TAMM41: variants seen among roughly 807,000 people sequenced by gnomAD.
TAMM41 encodes TAM41 mitochondrial translocator assembly and maintenance homolog.
Under a neutral mutation model 44.1 loss-of-function variants are expected in TAMM41, and 36 were observed. That is an observed-to-expected ratio of 0.82 (90% CI 0.63 to 1.08). The LOEUF is 1.08. Ranked by LOEUF, TAMM41 falls within the 50% of genes least tolerant of loss-of-function variation. The pLI, the probability that TAMM41 is intolerant of heterozygous loss-of-function variation, is 0.00. For missense variants in TAMM41, 417 were observed against 404.3 expected (o/e 1.03, Z -0.27); for synonymous variants, 164 against 153.1 (o/e 1.07, Z -0.53).
At chr3:11,729,558 T>C in the TAMM41 span, among the ~76,000 whole-genome samples, 18 of 113,212 alleles carry the variant, frequency 1.6e-4, 1 homozygote, top group African/African-American at 5.7e-4. Flanking sequence ...TTTTTTTTTT[T>C]TTTTTTTTTT....
At chr3:11,801,076 A>G (rs2077738025) in intron 7 of TAMM41, among the ~76,000 whole-genome samples, 1 of 147,334 alleles carries the variant, frequency 6.8e-6, no homozygotes, top group African/African-American at 2.6e-5. Context: ...TGGGCAACAG[A>G]GCAAGACCCT....
At chr3:11,755,718 C>T in the TAMM41 span, among the ~76,000 whole-genome samples, 1 of 152,184 alleles carries the variant, frequency 6.6e-6, no homozygotes, top group Admixed American at 6.5e-5. Context: ...CACAGTGCCA[C>T]AAAGGCCCTA....
At chr3:11,835,617 T>C (rs528155470) in intron 3 of TAMM41, among the ~76,000 whole-genome samples, 1 of 152,356 alleles carries the variant, frequency 6.6e-6, no homozygotes, top group Admixed American at 6.5e-5. Context: ...TTTCATGGCA[T>C]TTCAGCTTTC....
At position 11,834,591 on chromosome 3, in the gene TAMM41, A is replaced by T. The variant is rs2079102322; in HGVS notation, c.411+4631T>A. Among the ~76,000 whole-genome samples the T allele has an allele frequency of 2.6e-5, 4 of 152,238 alleles. No homozygotes were observed. In the South Asian group the frequency reaches 8.3e-4, roughly 31 times the overall value. The stretch of plus-strand genomic sequence containing the variant: ...GTTGTACTGGAAATAAAAATAGGGT[A>T]TTCCATCAATTATGAGATAAGTTAA... On this transcript the variant is annotated intron_variant, in intron 3 of 7. Coordinates refer to ENST00000455809, the MANE Select transcript of TAMM41 (RefSeq NM_001284401.2).
chr3:11,785,336 T>G, the TAMM41 span, among the ~76,000 whole-genome samples: 19 of 151,936 alleles, frequency 1.3e-4, no homozygotes, highest in African/African-American at 4.1e-4. Flanking sequence ...TTTTGTTTTG[T>G]TTTGTTTTGA....
the TAMM41 span, among the ~76,000 whole-genome samples, chr3:11,737,323 T>C: frequency 0.045 from 5,963 of 132,610 alleles, 402 homozygotes; most frequent in African/African-American, 0.15. Context: ...TTATTATTAT[T>C]ATCATTATTA....
At chr3:11,808,422 G>A in intron 6 of TAMM41, 2 of 980,324 alleles carry the variant, frequency 2.0e-6, no homozygotes, top group Non-Finnish European at 2.4e-6. Flanking sequence ...CTTCAGGATG[G>A]GGAGCTGGTG....
At chr3:11,793,681 C>T (rs1331658873) in intron 7 of TAMM41, among the ~76,000 whole-genome samples, 2 of 152,164 alleles carry the variant, frequency 1.3e-5, no homozygotes, top group African/African-American at 4.8e-5. Flanking sequence ...ACTCCCAACA[C>T]GATGAATCTC....
the TAMM41 span, among the ~76,000 whole-genome samples, chr3:11,751,030 C>G: frequency 6.6e-6 from 1 of 151,868 alleles, no homozygotes; most frequent in Non-Finnish European, 1.5e-5. Flanking sequence ...GGTGCACACT[C>G]TCATCCCACA....
At chr3:11,794,522 T>C (rs1015459167) in intron 7 of TAMM41, among the ~76,000 whole-genome samples, 1 of 152,220 alleles carries the variant, frequency 6.6e-6, no homozygotes, top group African/African-American at 2.4e-5. Flanking sequence ...AAATGCAACA[T>C]CTCTTTAGAT....
chr3:11,823,660 C>CTTTTTT (rs34657936), intron 4 of TAMM41, among the ~76,000 whole-genome samples: 1 of 122,396 alleles, frequency 8.2e-6, no homozygotes, highest in African/African-American at 3.0e-5. Flanking sequence ...TGCCTTTTTA[C>CTTTTTT]TTTTTTTTTT....
the TAMM41 span, among the ~76,000 whole-genome samples, chr3:11,724,002 G>A: frequency 6.9e-6 from 1 of 144,816 alleles, no homozygotes; most frequent in African/African-American, 2.6e-5. Flanking sequence ...AGTGGGGGAT[G>A]GGGGGGGGTG....
chr3:11,785,508 T>C (rs1258960028), downstream of TAMM41, among the ~76,000 whole-genome samples: 4 of 152,186 alleles, frequency 2.6e-5, no homozygotes, highest in African/African-American at 9.7e-5. Flanking sequence ...GTATTTTTAG[T>C]AGAGATGGGG....
At chr3:11,780,258 C>T in the TAMM41 span, among the ~76,000 whole-genome samples, 1 of 152,216 alleles carries the variant, frequency 6.6e-6, no homozygotes, top group Admixed American at 6.5e-5. Context: ...CACTCCTGCA[C>T]AGTATATGTC....
At chr3:11,777,297 A>C in the TAMM41 span, among the ~76,000 whole-genome samples, 5 of 152,216 alleles carry the variant, frequency 3.3e-5, no homozygotes, top group African/African-American at 1.2e-4. Context: ...AGAGGAAAAA[A>C]AGGTAACTAT....
chr3:11,730,590 C>T, the TAMM41 span, among the ~76,000 whole-genome samples: 8 of 151,734 alleles, frequency 5.3e-5, no homozygotes, highest in South Asian at 2.1e-4. Flanking sequence ...AAAAATTAGC[C>T]GGGCGTGGCG....
chr3:11,769,897 G>A, the TAMM41 span, among the ~76,000 whole-genome samples: 1 of 152,170 alleles, frequency 6.6e-6, no homozygotes, highest in Admixed American at 6.5e-5. Context: ...GTTATGCAAA[G>A]AGCATCACTC....
chr3:11,763,395 G>A, the TAMM41 span, among the ~76,000 whole-genome samples: 1 of 152,200 alleles, frequency 6.6e-6, no homozygotes, highest in Non-Finnish European at 1.5e-5. Context: ...TCCCACCTTG[G>A]CCTCCCAAAG....
At chr3:11,773,158 T>C in the TAMM41 span, among the ~76,000 whole-genome samples, 1 of 152,202 alleles carries the variant, frequency 6.6e-6, no homozygotes, top group South Asian at 2.1e-4. Flanking sequence ...GGTTTCACCA[T>C]ATGGGACAGG....
Sources: allele counts gnomAD v4.1 joint callset (sites outside exome capture counted in the v4.1 genomes callset), GRCh38; gene constraint gnomAD v4.1.1; transcripts MANE v1.5; gene names NCBI Gene and HGNC (gene_info 2026-07-23, HGNC 2026-07-21).